TBC1D23: variants seen among roughly 807,000 people sequenced by gnomAD.
The protein encoded by TBC1D23 is TBC1 domain family member 23.
TBC1D23 carries 55 observed loss-of-function variants against 91.4 expected under a neutral mutation model. The observed-to-expected ratio is 0.60, with a 90% confidence interval of 0.48 to 0.75. TBC1D23 has a LOEUF of 0.75. Ranked by LOEUF, TBC1D23 falls within the 30% of genes least tolerant of loss-of-function variation. The pLI is 0.00. For synonymous variants in TBC1D23, 289 were observed against 281.0 expected (o/e 1.03, Z -0.28); for missense variants, 725 against 836.1 (o/e 0.87, Z 1.64).
At chr3:100,272,823 A>C (rs1371819720) in intron 1 of TBC1D23, among the ~76,000 whole-genome samples, 1 of 152,228 alleles carries the variant, frequency 6.6e-6, no homozygotes, top group African/African-American at 2.4e-5. Context: ...CATACACATA[A>C]ACATCTCAAT....
intron 15 of TBC1D23, among the ~76,000 whole-genome samples, chr3:100,314,782 A>ATAC (rs943018024): frequency 1.4e-4 from 21 of 152,098 alleles, no homozygotes; most frequent in African/African-American, 4.1e-4. Flanking sequence ...TGGCTCTAAA[A>ATAC]TACTACTACT....
chr3:100,287,321 T>C (rs1338565546), intron 4 of TBC1D23, among the ~76,000 whole-genome samples: 1 of 152,200 alleles, frequency 6.6e-6, no homozygotes, highest in African/African-American at 2.4e-5. Flanking sequence ...ACCACTAGCA[T>C]GTCTTATTAC....
At chr3:100,269,785 T>C (rs977246857) in intron 1 of TBC1D23, among the ~76,000 whole-genome samples, 2 of 152,238 alleles carry the variant, frequency 1.3e-5, no homozygotes, top group Non-Finnish European at 2.9e-5. Context: ...TGCTGATGTC[T>C]CATTCCCTGG....
chr3:100,276,886 G>C (rs979403565), intron 1 of TBC1D23, among the ~76,000 whole-genome samples: 1 of 152,188 alleles, frequency 6.6e-6, no homozygotes, highest in Admixed American at 6.5e-5. Flanking sequence ...GGTCTGTCCT[G>C]ACCTTTCTGA....
At chr3:100,312,355 G>GATGT (rs1383125895) in intron 15 of TBC1D23, among the ~76,000 whole-genome samples, 8 of 152,022 alleles carry the variant, frequency 5.3e-5, no homozygotes, top group Admixed American at 5.2e-4. Context: ...TTCTTAATAA[G>GATGT]ATGTATGTAT....
chr3:100,283,473 T>G (rs569070266), intron 3 of TBC1D23, 134 bp from the exon 4 acceptor site: 1 of 613,848 alleles, frequency 1.6e-6, no homozygotes. Flanking sequence ...AGGGAAAATA[T>G]ACTTTCATGT....
At chr3:100,298,384 G>A (rs977923176) in intron 9 of TBC1D23, among the ~76,000 whole-genome samples, 1 of 152,092 alleles carries the variant, frequency 6.6e-6, no homozygotes, top group African/African-American at 2.4e-5. Flanking sequence ...ACAGTTTCTG[G>A]TAGTTTACAG....
Position 100,307,704 on chromosome 3 carries a change from A to AT in TBC1D23, c.1413+1163dup, listed in dbSNP as rs557279477. Reference sequence around the variant, plus strand: ...CTTGATGCCATTGTGTGAAATCACCATTACTTAGTAAACGTTTGCTATTTT... The same window carrying AT: ...CTTGATGCCATTGTGTGAAATCACCATTTACTTAGTAAACGTTTGCTATTTT... On this transcript the variant is annotated intron_variant, in intron 13 of 18. Transcript: ENST00000394144. Among the ~76,000 whole-genome samples the AT allele has an allele frequency of 4.7e-3, 712 of 152,330 alleles. 2 individuals are homozygous for AT. The highest frequency in any genetic ancestry group is 6.4e-3 in the Non-Finnish European group (433 of 68,018).
At chr3:100,284,016 CAG>C (rs1211184344) in intron 4 of TBC1D23, 68 of 510,246 alleles carry the variant, frequency 1.3e-4, no homozygotes, top group Admixed American at 1.0e-3. Context: ...ACTTCTGAAA[CAG>C]TGGTTATACT....
At chr3:100,306,609 A>C in intron 13 of TBC1D23, 66 bp downstream of exon 13, 2 of 877,288 alleles carry the variant, frequency 2.3e-6, no homozygotes, top group Non-Finnish European at 3.8e-6. Context: ...ATTAACTACT[A>C]AACCCCCACC....
chr3:100,265,672 T>C (rs2067551905), intron 1 of TBC1D23, among the ~76,000 whole-genome samples: 1 of 152,210 alleles, frequency 6.6e-6, no homozygotes, highest in Admixed American at 6.5e-5. Flanking sequence ...TTGACTTCAA[T>C]TATATAACTG....
intron 17 of TBC1D23, among the ~76,000 whole-genome samples, chr3:100,319,930 C>A (rs1705820847): frequency 6.6e-6 from 1 of 152,068 alleles, no homozygotes; most frequent in Non-Finnish European, 1.5e-5. Context: ...ATGCCATTAC[C>A]CCACCTAAAA....
chr3:100,273,222 A>G (rs2067615932), intron 1 of TBC1D23, among the ~76,000 whole-genome samples: 1 of 152,156 alleles, frequency 6.6e-6, no homozygotes, highest in Admixed American at 6.5e-5. Context: ...ACTGTTAACG[A>G]GCATGCTGCC....
Position 100,324,411 on chromosome 3 carries a change from G to A in TBC1D23, c.*743G>A, listed in dbSNP as rs143140131. ...AAATTAACATTTTGGGGACAGAATTGTGTCTGTAAAAATGTCATTGGTTTT... is the reference window on the plus strand; with the variant it reads ...AAATTAACATTTTGGGGACAGAATTATGTCTGTAAAAATGTCATTGGTTTT... On this transcript the variant is annotated 3_prime_UTR_variant, in exon 19 of 19. Transcript: ENST00000394144. 6.6e-6 allele frequency: 1 copy of A among 152,308 alleles called. No individual in the cohort carries two copies. Among genetic ancestry groups the A allele is most frequent in the Non-Finnish European group, 1.5e-5 (1 of 67,998 alleles). 9.4% of individuals were successfully genotyped at this position (152,308 alleles called of 1,614,324 possible). A position where few individuals can be genotyped will look rare whatever the true frequency, so the allele number is the denominator to read the frequency against.
chr3:100,314,910 TC>T (rs1705706803), intron 15 of TBC1D23, among the ~76,000 whole-genome samples: 1 of 152,216 alleles, frequency 6.6e-6, no homozygotes. Context: ...GCTAGAGTCT[TC>T]CTTTGTAGTA....
intron 2 of TBC1D23, among the ~76,000 whole-genome samples, chr3:100,280,929 G>A (rs1487396770): frequency 6.6e-6 from 1 of 152,162 alleles, no homozygotes; most frequent in East Asian, 1.9e-4. Flanking sequence ...GGAAGTTGAG[G>A]CAGGTGGATC....
In TBC1D23 at chr3:100,297,896, A is replaced by G. The variant is rs1421617123; in HGVS notation, c.877-27A>G. ...AAGAAAGTTTGATTTTTTTTTTCAT[A>G]ATGTTTAAAAATTTCCCTTCAAACA... On this transcript the variant is annotated intron_variant, in intron 8 of 18. Transcript: ENST00000394144. 4 of 1,538,138 alleles carry G rather than the reference A, an allele frequency of 2.6e-6. No individual in the cohort carries two copies. The Admixed American group carries it at 8.1e-5, about 31-fold the overall frequency.
intron 2 of TBC1D23, among the ~76,000 whole-genome samples, chr3:100,280,875 C>A (rs1576163909): frequency 6.6e-6 from 1 of 152,228 alleles, no homozygotes; most frequent in African/African-American, 2.4e-5. Context: ...AATGGTAATT[C>A]CTGGCTGGGT....
chr3:100,264,604 A>G (rs1209318048), intron 1 of TBC1D23, among the ~76,000 whole-genome samples: 1 of 152,190 alleles, frequency 6.6e-6, no homozygotes, highest in African/African-American at 2.4e-5. Context: ...TGCTATGTTA[A>G]GTGACACAGC....
Sources: allele counts gnomAD v4.1 joint callset (sites outside exome capture counted in the v4.1 genomes callset), GRCh38; gene constraint gnomAD v4.1.1; transcripts MANE v1.5; gene names NCBI Gene and HGNC (gene_info 2026-07-23, HGNC 2026-07-21).